Variants in ADAMTSL1 observed in about 807,000 individuals in gnomAD.
ADAMTSL1 encodes the protein ADAMTS like 1.
In ADAMTSL1, 126 loss-of-function variants were observed where a neutral mutation model predicts 201.8. The ratio of observed to expected loss-of-function variants is 0.62; its 90% confidence interval spans 0.54 to 0.72. The LOEUF is 0.72. ADAMTSL1 is among the 30% of genes least tolerant of loss of function. The pLI is 0.00. For missense variants in ADAMTSL1, 2,679 were observed against 2,277.8 expected, an observed-to-expected ratio of 1.18 and a Z score of -3.59; for synonymous variants, 1,121 against 903.4, an observed-to-expected ratio of 1.24 and a Z score of -4.32.
At chr9:18,791,052 A>T (rs1345525703) in intron 19 of ADAMTSL1, among the ~76,000 whole-genome samples, 3 of 152,222 alleles carry the variant, frequency 2.0e-5, no homozygotes, top group Non-Finnish European at 2.9e-5. Context: ...CAAATTTGGA[A>T]ACTAAATATA....
rs145819770 is a variant in ADAMTSL1, at chr9:18,174,897, C to T, written c.207+10916C>T. On this transcript the variant is annotated intron_variant, in intron 2 of 29. Coordinates refer to the ADAMTSL1 transcript ENST00000680146. ...CAATGGAAAGTTTGGGAAAGGAGAA[C>T]AATTTAGTTTCTTGTGTGTGTTATT... 9.2e-3 allele frequency among the ~76,000 whole-genome samples: 1,396 copies of T among 152,126 alleles called. 28 individuals are homozygous for T. The highest frequency in any genetic ancestry group is 0.032 in the African/African-American group (1,340 of 41,508).
chr9:17,943,623 A>C (rs1284491289), intron 1 of ADAMTSL1, among the ~76,000 whole-genome samples: 1 of 152,082 alleles, frequency 6.6e-6, no homozygotes, highest in East Asian at 1.9e-4. Context: ...AGAAATATGA[A>C]AATGCTATGA....
At chr9:18,861,256 A>G (rs1474569755) in intron 23 of ADAMTSL1, among the ~76,000 whole-genome samples, 1 of 152,230 alleles carries the variant, frequency 6.6e-6, no homozygotes, top group East Asian at 1.9e-4. Context: ...TATGGAAAAT[A>G]GGGAAGCCCA....
intron 1 of ADAMTSL1, among the ~76,000 whole-genome samples, chr9:18,099,635 C>CT (rs1456457145): frequency 7.0e-6 from 1 of 141,854 alleles, no homozygotes; most frequent in Admixed American, 6.9e-5. Flanking sequence ...TCTCTCTCTC[C>CT]CTTTTTTTTT....
At chr9:18,069,665 T>A (rs1374350946) in intron 1 of ADAMTSL1, among the ~76,000 whole-genome samples, 1 of 152,208 alleles carries the variant, frequency 6.6e-6, no homozygotes, top group Non-Finnish European at 1.5e-5. Flanking sequence ...TTTATTTATT[T>A]TGACAATACT....
At chr9:18,838,949 A>C (rs1825518517) in intron 23 of ADAMTSL1, among the ~76,000 whole-genome samples, 1 of 150,348 alleles carries the variant, frequency 6.7e-6, no homozygotes, top group African/African-American at 2.4e-5. Context: ...TTTTTCCAGC[A>C]TCTTACTTAG....
At chr9:17,987,629 T>C in intron 1 of ADAMTSL1, among the ~76,000 whole-genome samples, 1 of 152,104 alleles carries the variant, frequency 6.6e-6, no homozygotes, top group East Asian at 1.9e-4. Context: ...CCACGTAAAA[T>C]GTGCCCAAGA....
At chr9:18,150,734 G>A (rs1331091) in intron 1 of ADAMTSL1, among the ~76,000 whole-genome samples, 65,748 of 151,292 alleles carry the variant, frequency 0.43, 14,675 homozygotes, top group Admixed American at 0.54. Flanking sequence ...ATAATGGAAT[G>A]AGATCCCTTT....
chr9:18,715,697 A>G (rs926731795), intron 14 of ADAMTSL1, among the ~76,000 whole-genome samples: 15 of 152,214 alleles, frequency 9.9e-5, no homozygotes, highest in African/African-American at 3.4e-4. Flanking sequence ...ATCCCCATCA[A>G]GCTACCAATG....
intron 19 of ADAMTSL1, among the ~76,000 whole-genome samples, chr9:18,782,364 T>C (rs1821445010): frequency 6.6e-6 from 1 of 152,238 alleles, no homozygotes; most frequent in Non-Finnish European, 1.5e-5. Context: ...TTACATGCAT[T>C]TGGAGTTCTG....
chr9:18,858,473 C>T (rs777929741), intron 23 of ADAMTSL1, among the ~76,000 whole-genome samples: 1 of 152,204 alleles, frequency 6.6e-6, no homozygotes, highest in Non-Finnish European at 1.5e-5. Flanking sequence ...TTTAGCCTTG[C>T]CTAATGGGTT....
At chr9:18,512,027 T>A (rs1564007973) in intron 2 of ADAMTSL1, among the ~76,000 whole-genome samples, 1 of 152,202 alleles carries the variant, frequency 6.6e-6, no homozygotes, top group Non-Finnish European at 1.5e-5. Context: ...TTTGAATTTT[T>A]GTTTAAAAGA....
intron 1 of ADAMTSL1, among the ~76,000 whole-genome samples, chr9:17,923,003 C>T (rs1826370280): frequency 6.6e-6 from 1 of 152,148 alleles, no homozygotes; most frequent in African/African-American, 2.4e-5. Context: ...CATCATGCCC[C>T]TGGAAGATTA....
At chr9:18,041,048 T>C (rs923131788) in intron 1 of ADAMTSL1, among the ~76,000 whole-genome samples, 2 of 152,154 alleles carry the variant, frequency 1.3e-5, no homozygotes, top group Admixed American at 6.5e-5. Flanking sequence ...AGGGGGGCAA[T>C]AGTGATCTCA....
chr9:18,308,314 G>T (rs1432873660), intron 2 of ADAMTSL1, among the ~76,000 whole-genome samples: 1 of 152,028 alleles, frequency 6.6e-6, no homozygotes, highest in Non-Finnish European at 1.5e-5. Context: ...AAATTCAAAA[G>T]CTAGCAGAAG....
At chr9:17,962,244 C>T (rs1244684999) in intron 1 of ADAMTSL1, among the ~76,000 whole-genome samples, 6 of 152,198 alleles carry the variant, frequency 3.9e-5, no homozygotes, top group Non-Finnish European at 1.5e-5. Context: ...TGAGACCACA[C>T]TCTAAAACTG....
chr9:18,144,169 T>C (rs182917813), intron 1 of ADAMTSL1, among the ~76,000 whole-genome samples: 2 of 151,030 alleles, frequency 1.3e-5, no homozygotes, highest in Admixed American at 6.7e-5. Context: ...ACACTTTGCA[T>C]GTCCTAATAG....
chr9:18,499,423 A>G (rs1034956852), intron 1 of ADAMTSL1, among the ~76,000 whole-genome samples: 3 of 152,232 alleles, frequency 2.0e-5, no homozygotes, highest in African/African-American at 7.2e-5. Context: ...TAAAGAAGCC[A>G]AGGATTAGAT....
chr9:18,211,738 A>C (rs929064106), intron 2 of ADAMTSL1, among the ~76,000 whole-genome samples: 2 of 152,214 alleles, frequency 1.3e-5, no homozygotes, highest in African/African-American at 4.8e-5. Context: ...GATACCTTCC[A>C]TGTAATTTTA....
Sources: allele counts gnomAD v4.1 joint callset (sites outside exome capture counted in the v4.1 genomes callset), GRCh38; gene constraint gnomAD v4.1.1; transcripts MANE v1.5; gene names NCBI Gene and HGNC (gene_info 2026-07-23, HGNC 2026-07-21).